The following ARHGAP24 variants were observed in gnomAD, a reference collection of about 807,000 sequenced individuals.
ARHGAP24 encodes the protein rho GTPase-activating protein 24.
ARHGAP24 carries 50 observed loss-of-function variants against 76.4 expected under a neutral mutation model. The ratio of observed to expected loss-of-function variants is 0.65; its 90% CI spans 0.52 to 0.83. ARHGAP24 has a LOEUF of 0.83. Among genes scored for constraint, ARHGAP24 ranks in the 40% least tolerant of loss-of-function variants. The pLI, the probability that ARHGAP24 is intolerant of heterozygous loss-of-function variation, is 0.00. For missense variants in ARHGAP24, 930 were observed against 914.2 expected, an observed-to-expected ratio of 1.02 and a Z score of -0.22; for synonymous variants, 345 against 323.3, an observed-to-expected ratio of 1.07 and a Z score of -0.72.
At chr4:85,964,817 T>C (rs1365833767) in intron 5 of ARHGAP24, among the ~76,000 whole-genome samples, 1 of 152,140 alleles carries the variant, frequency 6.6e-6, no homozygotes, top group African/African-American at 2.4e-5. Flanking sequence ...TTTATTTGTT[T>C]ATTATTGAGT....
chr4:85,496,597 C>T (rs1208695926), intron 1 of ARHGAP24, among the ~76,000 whole-genome samples: 1 of 152,056 alleles, frequency 6.6e-6, no homozygotes, highest in African/African-American at 2.4e-5. Flanking sequence ...AAATCACAAC[C>T]GTGAAGTTCA....
intron 3 of ARHGAP24, among the ~76,000 whole-genome samples, chr4:85,837,973 C>T (rs1730380177): frequency 6.6e-6 from 1 of 152,132 alleles, no homozygotes. Flanking sequence ...AAATGTACTC[C>T]CAGCATCATT....
At chr4:85,763,078 T>C (rs1299102889) in intron 3 of ARHGAP24, among the ~76,000 whole-genome samples, 1 of 152,172 alleles carries the variant, frequency 6.6e-6, no homozygotes, top group East Asian at 1.9e-4. Flanking sequence ...ATTGTATTAG[T>C]ATTTTGGATA....
intron 3 of ARHGAP24, among the ~76,000 whole-genome samples, chr4:85,739,174 C>T (rs1725723261): frequency 6.6e-6 from 1 of 152,224 alleles, no homozygotes; most frequent in Admixed American, 6.5e-5. Context: ...CCTCACCTAG[C>T]TCTCTTCTTG....
intron 3 of ARHGAP24, among the ~76,000 whole-genome samples, chr4:85,888,261 C>T (rs544779814): frequency 2.9e-4 from 44 of 151,974 alleles, no homozygotes; most frequent in African/African-American, 9.9e-4. Context: ...ATTAGCCGGA[C>T]GTGGTGGCGC....
chr4:85,688,896 C>T (rs1006867834), intron 2 of ARHGAP24, among the ~76,000 whole-genome samples: 2 of 152,076 alleles, frequency 1.3e-5, no homozygotes, highest in African/African-American at 4.8e-5. Context: ...TATGCTGTTC[C>T]ATTGGTCTGT....
rs192179832 is a variant in ARHGAP24 at position 85,802,173 on chromosome 4, T to C, written c.268+80201T>C. 1.1e-4 allele frequency among the ~76,000 whole-genome samples: 16 copies of C among 152,296 alleles called. No individual in the cohort carries two copies. In the East Asian group the frequency reaches 3.1e-3, roughly 29 times the overall value. ...TAGCACTGGCTTCTTGATTTCCCAA[T>C]ATGACCACCAGTTGCTATGTAGCGC... On this transcript the variant is annotated intron_variant, in intron 3 of 9. Transcript: ENST00000395184.
At chr4:85,586,290 T>C (rs1727857641) in intron 2 of ARHGAP24, among the ~76,000 whole-genome samples, 1 of 151,962 alleles carries the variant, frequency 6.6e-6, no homozygotes, top group Admixed American at 6.6e-5. Flanking sequence ...TTAGCATGCA[T>C]AGGGAAAAGG....
In ARHGAP24 at chr4:85,923,752, T is replaced by A. The variant is rs1439153341; in HGVS notation, c.373T>A (p.Trp125Arg). The change falls in exon 4 of 10, where the codon TGG becomes AGG. Residue 125 changes from tryptophan to arginine, a missense_variant. Transcript: ENST00000395184. ...DWVKSIRRVI[W>R]GPFGGGIFGQ... ...GGTGAAGTCAATCCGCCGAGTCATA[T>A]GGGGACCTTTCGGAGGAGGTGAGTG... The A allele has an allele frequency of 6.2e-7, 1 of 1,613,988 alleles. No homozygotes were observed. Among genetic ancestry groups the A allele is most frequent in the South Asian group, 1.1e-5 (1 of 91,078 alleles).
At chr4:85,475,586 C>G (rs1397923822) in intron 1 of ARHGAP24, 27 bp downstream of exon 1, 2 of 150,786 alleles carry the variant, frequency 1.3e-5, no homozygotes, top group Non-Finnish European at 3.0e-5. Context: ...CGAGGAAGTG[C>G]GCGGAGCTAC....
chr4:85,506,664 G>T (rs922819104), intron 1 of ARHGAP24, among the ~76,000 whole-genome samples: 1 of 152,146 alleles, frequency 6.6e-6, no homozygotes, highest in African/African-American at 2.4e-5. Flanking sequence ...GCTTCCCTTG[G>T]CTAGGAAAGG....
chr4:85,719,358 C>T (rs1724846334), intron 2 of ARHGAP24, among the ~76,000 whole-genome samples: 1 of 152,086 alleles, frequency 6.6e-6, no homozygotes, highest in African/African-American at 2.4e-5. Flanking sequence ...ATTCCTCCAA[C>T]ACCTCACCTT....
At chr4:85,733,886 G>T (rs1578182312) in intron 3 of ARHGAP24, among the ~76,000 whole-genome samples, 1 of 152,214 alleles carries the variant, frequency 6.6e-6, no homozygotes, top group South Asian at 2.1e-4. Context: ...GGGGTTTGAA[G>T]TTCCTTGTAT....
At chr4:85,515,818 C>T (rs920441201) in intron 1 of ARHGAP24, among the ~76,000 whole-genome samples, 8 of 152,222 alleles carry the variant, frequency 5.3e-5, no homozygotes, top group African/African-American at 1.7e-4. Flanking sequence ...AGTGTCATTG[C>T]TTAGGTAAAT....
chr4:85,533,159 A>G (rs1405674755), intron 1 of ARHGAP24, among the ~76,000 whole-genome samples: 1 of 152,204 alleles, frequency 6.6e-6, no homozygotes, highest in Non-Finnish European at 1.5e-5. Context: ...GCTACTCATT[A>G]TGTAAGTCTG....
At chr4:85,836,335 G>A (rs1220000923) in intron 3 of ARHGAP24, among the ~76,000 whole-genome samples, 1 of 152,122 alleles carries the variant, frequency 6.6e-6, no homozygotes, top group Non-Finnish European at 1.5e-5. Context: ...AAAATTTCCT[G>A]CCTCACAGTT....
intron 3 of ARHGAP24, among the ~76,000 whole-genome samples, chr4:85,783,220 T>G (rs889624657): frequency 6.6e-6 from 1 of 152,192 alleles, no homozygotes; most frequent in Admixed American, 6.5e-5. Context: ...TTTCTTTTGC[T>G]GTAGGTATTG....
At chr4:85,601,831 G>A (rs17389300) in intron 2 of ARHGAP24, among the ~76,000 whole-genome samples, 40,253 of 151,870 alleles carry the variant, frequency 0.27, 7,447 homozygotes, top group East Asian at 0.84. Flanking sequence ...AAGCTATTTC[G>A]AGGGTTTGCA....
chr4:85,634,845 A>G lies in ARHGAP24; in HGVS notation c.180+64124A>G, dbSNP rs116865781. On this transcript the variant is annotated intron_variant, in intron 2 of 9. Coordinates refer to ENST00000395184, the MANE Select transcript of ARHGAP24 (RefSeq NM_001025616.3). Reference sequence around the variant, plus strand: ...TGCCTTTCTACTTTACTTAAAAAGAATATTCTCTTTTCCTGTGATTAATTC... The same window carrying G: ...TGCCTTTCTACTTTACTTAAAAAGAGTATTCTCTTTTCCTGTGATTAATTC... 8.6e-5 allele frequency among the ~76,000 whole-genome samples: 13 copies of G among 151,954 alleles called. No individual in the cohort carries two copies. The East Asian group carries it at 2.5e-3, about 29-fold the overall frequency.
Sources: allele counts gnomAD v4.1 joint callset (sites outside exome capture counted in the v4.1 genomes callset), GRCh38; gene constraint gnomAD v4.1.1; transcripts MANE v1.5; gene names NCBI Gene and HGNC (gene_info 2026-07-23, HGNC 2026-07-21).